Variants in RBMS3 observed in about 807,000 individuals in gnomAD.
RBMS3 encodes the protein RNA-binding motif, single-stranded-interacting protein 3.
Under a neutral mutation model 66.8 loss-of-function variants are expected in RBMS3, and 27 were observed. That is an observed-to-expected ratio of 0.40 (90% CI 0.30 to 0.56). The LOEUF (loss-of-function observed/expected upper bound fraction) is 0.56. Ranked by LOEUF, RBMS3 falls within the 20% of genes least tolerant of loss-of-function variation. RBMS3 has a pLI of 0.40. For missense variants in RBMS3, 513 were observed against 549.5 expected, an observed-to-expected ratio of 0.93 and a Z score of 0.66; for synonymous variants, 188 against 183.0, an observed-to-expected ratio of 1.03 and a Z score of -0.22.
chr3:29,901,389 C>A (rs1478203591), intron 10 of RBMS3, among the ~76,000 whole-genome samples: 3 of 151,844 alleles, frequency 2.0e-5, no homozygotes, highest in Non-Finnish European at 4.4e-5. Flanking sequence ...AGTTTTAACA[C>A]CATCTCTTTG....
chr3:29,506,649 A>G (rs931464345), intron 3 of RBMS3, among the ~76,000 whole-genome samples: 1 of 152,078 alleles, frequency 6.6e-6, no homozygotes, highest in Admixed American at 6.6e-5. Flanking sequence ...TTGTTTGAAA[A>G]GTATTAGTAT....
chr3:29,539,165 G>A (rs1472476503), intron 3 of RBMS3, among the ~76,000 whole-genome samples: 1 of 152,096 alleles, frequency 6.6e-6, no homozygotes, highest in Non-Finnish European at 1.5e-5. Context: ...TTATTATGGA[G>A]ATATAGGCTT....
At chr3:29,475,154 T>C (rs2042900385) in intron 2 of RBMS3, among the ~76,000 whole-genome samples, 1 of 152,180 alleles carries the variant, frequency 6.6e-6, no homozygotes, top group African/African-American at 2.4e-5. Context: ...TAACGGATGC[T>C]TAAGGCATAA....
chr3:29,687,180 G>A (rs1425243282), intron 4 of RBMS3, among the ~76,000 whole-genome samples: 1 of 152,052 alleles, frequency 6.6e-6, no homozygotes. Flanking sequence ...TCTAAGTTGT[G>A]TCAACTGAGG....
chr3:29,563,897 G>C (rs1023129315), intron 3 of RBMS3, among the ~76,000 whole-genome samples: 3 of 151,492 alleles, frequency 2.0e-5, no homozygotes, highest in African/African-American at 4.9e-5. Flanking sequence ...TGTACCTGTG[G>C]TTTCAGCTCC....
At chr3:29,712,618 A>G (rs79755084) in intron 4 of RBMS3, among the ~76,000 whole-genome samples, 3,644 of 152,264 alleles carry the variant, frequency 0.024, 60 homozygotes, top group Middle Eastern at 0.037. Flanking sequence ...CTGCAGAGAT[A>G]ACATCTAAAT....
At chr3:29,792,014 C>T (rs958660533) in intron 6 of RBMS3, among the ~76,000 whole-genome samples, 1 of 152,020 alleles carries the variant, frequency 6.6e-6, no homozygotes, top group Admixed American at 6.6e-5. Context: ...TGTAGTTTAT[C>T]ACATGTTTTT....
chr3:29,591,435 G>A (rs909954403), intron 4 of RBMS3, among the ~76,000 whole-genome samples: 1 of 152,164 alleles, frequency 6.6e-6, no homozygotes, highest in Non-Finnish European at 1.5e-5. Context: ...GAGAAAATGG[G>A]AAGCAAGCCT....
intron 6 of RBMS3, among the ~76,000 whole-genome samples, chr3:29,851,159 G>A (rs1340036208): frequency 6.6e-6 from 1 of 151,946 alleles, no homozygotes; most frequent in Non-Finnish European, 1.5e-5. Context: ...TTATTTATAT[G>A]TTTACTTGTC....
intron 1 of RBMS3, among the ~76,000 whole-genome samples, chr3:29,308,235 A>C (rs191010477): frequency 3.0e-4 from 46 of 151,980 alleles, no homozygotes; most frequent in African/African-American, 1.1e-3. Flanking sequence ...AGAGTTCAGG[A>C]AGTGTTTGAA....
intron 12 of RBMS3, among the ~76,000 whole-genome samples, chr3:29,946,960 G>A (rs1369319578): frequency 6.6e-6 from 1 of 151,610 alleles, no homozygotes; most frequent in Non-Finnish European, 1.5e-5. Context: ...GTGAGGAAAA[G>A]GATAGTGTGC....
In RBMS3 at chr3:29,498,908, G is replaced by A. The variant is rs555424467; in HGVS notation, c.307+10409G>A. ...ACTTGTGTTTATTGAGATTAGCTTCGTTAATAGCAAAAAGTATAAGTACTT... is the reference window on the plus strand; with the variant it reads ...ACTTGTGTTTATTGAGATTAGCTTCATTAATAGCAAAAAGTATAAGTACTT... On this transcript the variant is annotated intron_variant, in intron 3 of 14. Coordinates refer to ENST00000383767, the MANE Select transcript of RBMS3 (RefSeq NM_001003793.3). Among the ~76,000 whole-genome samples the A allele has an allele frequency of 7.2e-5, 11 of 152,196 alleles. No homozygotes were observed. In the East Asian group the frequency reaches 1.2e-3, roughly 16 times the overall value.
chr3:29,650,846 T>G (rs567676788), intron 4 of RBMS3, among the ~76,000 whole-genome samples: 6 of 152,212 alleles, frequency 3.9e-5, no homozygotes, highest in Non-Finnish European at 8.8e-5. Flanking sequence ...ACCATCTATT[T>G]GTATGGAAAA....
At chr3:29,827,505 A>G (rs892932971) in intron 6 of RBMS3, among the ~76,000 whole-genome samples, 1 of 152,136 alleles carries the variant, frequency 6.6e-6, no homozygotes, top group South Asian at 2.1e-4. Context: ...ATTTTATCTA[A>G]TCTTTCTCCT....
chr3:29,629,055 A>G (rs1225912382), intron 4 of RBMS3, among the ~76,000 whole-genome samples: 1 of 152,142 alleles, frequency 6.6e-6, no homozygotes, highest in Non-Finnish European at 1.5e-5. Context: ...TATGCAGGCC[A>G]TCATGATGAC....
chr3:29,747,386 GTAGGTAGATAGATAGATAGATAGA>G (rs1209692715), intron 5 of RBMS3, among the ~76,000 whole-genome samples: 3,631 of 140,558 alleles, frequency 0.026, 136 homozygotes, highest in African/African-American at 0.091. Flanking sequence ...AGGTAGGTAG[GTAGGTAGATAGATAGATAGATAGA>G]TAGATAGATA....
chr3:29,539,128 A>G (rs144006781), intron 3 of RBMS3, among the ~76,000 whole-genome samples: 81 of 152,274 alleles, frequency 5.3e-4, no homozygotes, highest in African/African-American at 1.9e-3. Context: ...ACACTATTAC[A>G]GCTGTTTGGG....
intron 1 of RBMS3, among the ~76,000 whole-genome samples, chr3:29,364,264 A>G (rs761561961): frequency 6.6e-6 from 1 of 152,226 alleles, no homozygotes; most frequent in Non-Finnish European, 1.5e-5. Context: ...GTATATATTT[A>G]TAAACATTTA....
intron 1 of RBMS3, among the ~76,000 whole-genome samples, chr3:29,419,645 T>C (rs1333136660): frequency 1.3e-5 from 2 of 152,170 alleles, no homozygotes; most frequent in African/African-American, 4.8e-5. Flanking sequence ...AACATGGTAA[T>C]ATAATGAGCT....
Sources: allele counts gnomAD v4.1 joint callset (sites outside exome capture counted in the v4.1 genomes callset), GRCh38; gene constraint gnomAD v4.1.1; transcripts MANE v1.5; gene names NCBI Gene and HGNC (gene_info 2026-07-23, HGNC 2026-07-21).